Variants in VCAN observed in about 807,000 individuals in gnomAD.
VCAN encodes the protein versican core protein.
VCAN carries 44 observed loss-of-function variants against 245.5 expected under a neutral mutation model. That is an observed-to-expected ratio of 0.18 (90% CI 0.14 to 0.23). The LOEUF is 0.23. VCAN is among the 10% of genes least tolerant of loss of function. VCAN has a pLI of 1.00. For missense variants in VCAN, 3,793 were observed against 4,057.9 expected (o/e 0.93, Z 1.77); for synonymous variants, 1,413 against 1,437.0 (o/e 0.98, Z 0.38).
Position 83,537,873 on chromosome 5 carries a change from C to T in VCAN, c.4870C>T (p.Pro1624Ser). ...CAAAGAAAGCTGGGTAGAAGCAACT[C>T]CTAGACAAGTTGTAGAGCTCTCAGG... ...STKESWVEAT[P>S]RQVVELSGSS... is the part of the protein sequence containing the mutation. The change falls in exon 8 of 15, where the codon CCT (proline) becomes TCT (serine). Residue 1624 changes from proline to serine, a missense_variant. Around this residue, in one of 5 missense-constraint regions of VCAN, gnomAD observed 3,182 missense variants for 3,250.3 expected, o/e 0.98. Coordinates refer to ENST00000265077, the MANE Select transcript of VCAN (RefSeq NM_004385.5). 6.2e-7 allele frequency: 1 copy of T among 1,613,888 alleles called. No individual in the cohort carries two copies. Among genetic ancestry groups the T allele is most frequent in the Non-Finnish European group, 8.5e-7 (1 of 1,179,950 alleles).
intron 7 of VCAN, among the ~76,000 whole-genome samples, chr5:83,532,866 ATTT>A (rs1746573869): frequency 6.6e-6 from 1 of 152,174 alleles, no homozygotes; most frequent in Non-Finnish European, 1.5e-5. Context: ...AAGAATTCCC[ATTT>A]AGTAGACAAT....
Position 83,521,250 on chromosome 5 carries a change from G to C in VCAN, c.2944G>C (p.Asp982His). The C allele has an allele frequency of 6.2e-7, 1 of 1,614,104 alleles. No individual in the cohort carries two copies. Among genetic ancestry groups the C allele is most frequent in the Non-Finnish European group, 8.5e-7 (1 of 1,179,956 alleles). ...TIPLSVIPKTDWGVLVPSVPS... is the reference protein window; with the variant it reads ...TIPLSVIPKTHWGVLVPSVPS... ...TCCTCTTTCTGTAATTCCCAAGACA[G>C]ACTGGGGAGTGTTAGTACCTTCTGT... Residue 982 changes from aspartate (D) to histidine (H), a missense_variant, in exon 7 of 15, where the codon GAC becomes CAC. Transcript: ENST00000265077.
chr5:83,515,971 G>A (rs901347354), intron 6 of VCAN, among the ~76,000 whole-genome samples: 3 of 152,136 alleles, frequency 2.0e-5, no homozygotes, highest in African/African-American at 4.8e-5. Context: ...GGTCGCTCAC[G>A]CCTGTAATCC....
chr5:83,524,608 G>A (rs2112417672), intron 7 of VCAN, among the ~76,000 whole-genome samples: 1 of 151,764 alleles, frequency 6.6e-6, no homozygotes, highest in East Asian at 1.9e-4. Flanking sequence ...ATTTTTGTGT[G>A]TTCTGTATAT....
intron 7 of VCAN, 56 bp downstream of exon 7, chr5:83,522,365 G>T (rs936858937): frequency 1.3e-6 from 2 of 1,584,818 alleles, no homozygotes; most frequent in Admixed American, 3.4e-5. Context: ...TATCTTGAAA[G>T]TTACTTTTGG....
intron 6 of VCAN, 113 bp downstream of exon 6, chr5:83,512,509 G>A (rs1003574950): frequency 2.8e-5 from 36 of 1,304,134 alleles, no homozygotes; most frequent in Non-Finnish European, 3.6e-5. Context: ...GTGTGTGCAC[G>A]GAATGGAAAC....
At chr5:83,510,837 C>T (rs770023594) in intron 5 of VCAN, among the ~76,000 whole-genome samples, 1 of 152,114 alleles carries the variant, frequency 6.6e-6, no homozygotes, top group Non-Finnish European at 1.5e-5. Flanking sequence ...AATCAATCAG[C>T]AAATTAAAAA....
intron 5 of VCAN, among the ~76,000 whole-genome samples, chr5:83,507,512 C>T (rs2112382796): frequency 6.6e-6 from 1 of 152,340 alleles, no homozygotes; most frequent in South Asian, 2.1e-4. Flanking sequence ...GGAGCTTACA[C>T]AGTTGGGCCA....
chr5:83,580,411 A>T lies in VCAN; in HGVS notation c.10168A>T (p.Arg3390Trp), dbSNP rs1451911739. The T allele has an allele frequency of 6.2e-7, 1 of 1,613,804 alleles. No homozygotes were observed. The highest frequency in any genetic ancestry group is 2.2e-5 in the East Asian group (1 of 44,866). ...TSKHDHRWSRRWQESRR is the reference protein window; with the variant it reads ...TSKHDHRWSRWWQESRR ...CAAACATGATCATCGTTGGAGCCGG[A>T]GGTGGCAGGAGTCGAGGCGCTGATC... Residue 3390 changes from arginine to tryptophan, a missense_variant, in exon 15 of 15, where the codon AGG (arginine) becomes TGG (tryptophan). Coordinates refer to ENST00000265077, the MANE Select transcript of VCAN (RefSeq NM_004385.5).
intron 7 of VCAN, chr5:83,531,530 A>T (rs1746520006): frequency 6.6e-6 from 1 of 152,188 alleles, no homozygotes; most frequent in Admixed American, 6.6e-5. Flanking sequence ...TGTATTTTTT[A>T]AATAGGAAAA....
At chr5:83,508,102 CTCT>C (rs1180479988) in intron 5 of VCAN, among the ~76,000 whole-genome samples, 1 of 152,196 alleles carries the variant, frequency 6.6e-6, no homozygotes, top group Non-Finnish European at 1.5e-5. Context: ...GGGTTCCCTG[CTCT>C]GCCTCATTCC....
At chr5:83,493,277 A>G (rs1296861943) in intron 3 of VCAN, among the ~76,000 whole-genome samples, 3 of 152,152 alleles carry the variant, frequency 2.0e-5, no homozygotes, top group Non-Finnish European at 4.4e-5. Flanking sequence ...AACTATTGGG[A>G]TTCAGTGACT....
chr5:83,580,345 A>T lies in VCAN; in HGVS notation c.10102A>T (p.Lys3368Ter). The change falls in exon 15 of 15, where the codon AAA (lysine) becomes TAA (stop). Residue 3368 changes from lysine (K) to a stop codon, truncating the protein, a stop_gained. Transcript: ENST00000265077. LOFTEE classifies it high-confidence loss of function. ...AAGGACTTATTCTATGAAATACTTT[A>T]AAAATTCCTCATCAGCAAAGGACAA... is the stretch of plus-strand genomic sequence containing the variant. Reference protein sequence around the residue: ...YQRTYSMKYFKNSSSAKDNSI... With the variant: ...YQRTYSMKYF The T allele has an allele frequency of 1.2e-6, 2 of 1,614,000 alleles. No individual in the cohort carries two copies. The highest frequency in any genetic ancestry group is 1.7e-6 in the Non-Finnish European group (2 of 1,179,962).
intron 10 of VCAN, among the ~76,000 whole-genome samples, chr5:83,550,650 G>A (rs959510804): frequency 1.3e-5 from 2 of 152,126 alleles, no homozygotes; most frequent in African/African-American, 4.8e-5. Context: ...ACTTTGGGAG[G>A]TCAAGGCGGG....
chr5:83,557,207 T>TA (rs1372141045), intron 12 of VCAN, among the ~76,000 whole-genome samples: 2 of 152,146 alleles, frequency 1.3e-5, no homozygotes, highest in African/African-American at 4.8e-5. Flanking sequence ...CCTACACACT[T>TA]ACCTGACTGA....
intron 12 of VCAN, among the ~76,000 whole-genome samples, chr5:83,560,004 C>CAA (rs35874300): frequency 2.3e-3 from 316 of 137,708 alleles, no homozygotes; most frequent in African/African-American, 3.1e-3. Context: ...GTGAAAAGAC[C>CAA]AAAAAAAAAA....
chr5:83,532,415 C>T (rs577527290), intron 7 of VCAN, among the ~76,000 whole-genome samples: 1 of 152,100 alleles, frequency 6.6e-6, no homozygotes, highest in African/African-American at 2.4e-5. Context: ...TTTTATACCC[C>T]ACCTCTCCCT....
At chr5:83,508,993 C>G (rs1483570429) in intron 5 of VCAN, among the ~76,000 whole-genome samples, 1 of 151,146 alleles carries the variant, frequency 6.6e-6, no homozygotes, top group African/African-American at 2.4e-5. Flanking sequence ...AGCCACTGCA[C>G]TCCTGCCTGG....
rs144105669 is a variant in VCAN, at chr5:83,502,299, G to A, written c.748+8368G>A. 9.5e-3 allele frequency among the ~76,000 whole-genome samples: 1,452 copies of A among 152,174 alleles called. 20 individuals are homozygous for A. Among genetic ancestry groups the A allele is most frequent in the African/African-American group, 0.032 (1,320 of 41,514 alleles). On this transcript the variant is annotated intron_variant, in intron 5 of 14. Coordinates refer to ENST00000265077, the MANE Select transcript of VCAN (RefSeq NM_004385.5). Reference sequence around the variant, plus strand: ...GCATGTGACAGTCATTTGCTTTAAGGTTTTCATGTCAGGGTCTCCTGGAGT... The same window carrying A: ...GCATGTGACAGTCATTTGCTTTAAGATTTTCATGTCAGGGTCTCCTGGAGT...
Sources: allele counts gnomAD v4.1 joint callset (sites outside exome capture counted in the v4.1 genomes callset), GRCh38; gene constraint gnomAD v4.1.1; regional missense constraint gnomAD v4.1.1; transcripts MANE v1.5; gene names NCBI Gene and HGNC (gene_info 2026-07-23, HGNC 2026-07-21).